The following KLF17 variants were observed in gnomAD, a reference collection of about 807,000 sequenced individuals.
KLF17 encodes the protein Krueppel-like factor 17.
A neutral mutation model predicts 34.2 loss-of-function variants in KLF17; 31 were observed. The observed-to-expected ratio is 0.91, with a 90% CI of 0.68 to 1.22. The LOEUF (loss-of-function observed/expected upper bound fraction) is 1.22. Among genes scored for constraint, KLF17 ranks in the 50% most tolerant of loss-of-function variants. The probability of loss-of-function intolerance (pLI) is 0.00; values close to 1 mark genes in which losing one functional copy is unlikely to be tolerated. For missense variants in KLF17, 478 were observed against 505.2 expected, an observed-to-expected ratio of 0.95 and a Z score of 0.52; for synonymous variants, 179 against 186.7, an observed-to-expected ratio of 0.96 and a Z score of 0.34.
At chr1:44,091,926 A>C in the KLF17 span, among the ~76,000 whole-genome samples, 2 of 145,590 alleles carry the variant, frequency 1.4e-5, no homozygotes, top group East Asian at 2.0e-4. Flanking sequence ...AAAAAAAAAA[A>C]ACCCAAAAAA....
chr1:44,120,615 G>C (rs567877536), intron 1 of KLF17, among the ~76,000 whole-genome samples: 1 of 152,314 alleles, frequency 6.6e-6, no homozygotes, highest in South Asian at 2.1e-4. Flanking sequence ...ATAGAGGCCA[G>C]AGCAAATTTG....
At chr1:44,102,569 C>T in the KLF17 span, among the ~76,000 whole-genome samples, 2 of 35,150 alleles carry the variant, frequency 5.7e-5, no homozygotes, top group African/African-American at 1.7e-4. Context: ...TACACATACA[C>T]ACACACACAC....
the KLF17 span, among the ~76,000 whole-genome samples, chr1:44,046,493 T>G: frequency 6.6e-6 from 1 of 150,930 alleles, no homozygotes; most frequent in African/African-American, 2.4e-5. Flanking sequence ...AGTACTGCAA[T>G]TACAGGCATG....
At chr1:44,050,357 T>C in the KLF17 span, among the ~76,000 whole-genome samples, 1 of 152,210 alleles carries the variant, frequency 6.6e-6, no homozygotes, top group Non-Finnish European at 1.5e-5. Context: ...AAAGACATGC[T>C]GACCAGTGCC....
At chr1:44,108,355 A>C in the KLF17 span, among the ~76,000 whole-genome samples, 1 of 152,116 alleles carries the variant, frequency 6.6e-6, no homozygotes, top group Admixed American at 6.6e-5. Flanking sequence ...ACTTTTGCTG[A>C]CTGTTTCCCC....
chr1:44,132,767 G>A (rs550321212), intron 3 of KLF17, among the ~76,000 whole-genome samples: 3 of 152,190 alleles, frequency 2.0e-5, no homozygotes, highest in Non-Finnish European at 4.4e-5. Flanking sequence ...CAAAGCACCA[G>A]ATATTAAGTG....
the KLF17 span, among the ~76,000 whole-genome samples, chr1:44,111,709 C>T: frequency 3.9e-5 from 6 of 151,940 alleles, no homozygotes; most frequent in African/African-American, 9.7e-5. Flanking sequence ...CTGGCTTACA[C>T]GGTGAAACCC....
intron 3 of KLF17, among the ~76,000 whole-genome samples, chr1:44,131,518 A>T (rs1400452025): frequency 6.6e-6 from 1 of 152,078 alleles, no homozygotes; most frequent in African/African-American, 2.4e-5. Context: ...AAATGAAAAA[A>T]CTAGTTTTGT....
the KLF17 span, among the ~76,000 whole-genome samples, chr1:44,107,964 C>G: frequency 6.6e-6 from 1 of 152,130 alleles, no homozygotes; most frequent in Admixed American, 6.6e-5. Flanking sequence ...TAAGAGAGGA[C>G]TAGTGTATAT....
intron 1 of KLF17, among the ~76,000 whole-genome samples, chr1:44,127,696 CTTTCTTTCTTTCTTTCTTCTCT>C (rs2088039235): frequency 1.4e-4 from 5 of 36,298 alleles, no homozygotes; most frequent in East Asian, 1.2e-3. Context: ...CTTTCTTTTT[CTTTCTTTCTTTCTTTCTTCTCT>C]TTTCTTTCTT....
chr1:44,078,674 G>T, the KLF17 span, among the ~76,000 whole-genome samples: 1 of 152,134 alleles, frequency 6.6e-6, no homozygotes, highest in Non-Finnish European at 1.5e-5. Context: ...CTGACCTCAT[G>T]ATCTGCCCAC....
chr1:44,117,441 T>A (rs989953650), upstream of KLF17: 1 of 33,642 alleles, frequency 3.0e-5, no homozygotes, highest in African/African-American at 8.5e-5. Flanking sequence ...TTTTTATTTA[T>A]TTTATTTTAT....
At chr1:44,112,347 T>C in the KLF17 span, among the ~76,000 whole-genome samples, 1 of 152,168 alleles carries the variant, frequency 6.6e-6, no homozygotes, top group Non-Finnish European at 1.5e-5. Flanking sequence ...AACCTCCAGG[T>C]TCAGGACTGG....
chr1:44,056,363 C>A, the KLF17 span, among the ~76,000 whole-genome samples: 1 of 152,206 alleles, frequency 6.6e-6, no homozygotes, highest in South Asian at 2.1e-4. Context: ...GGAACAAGGA[C>A]TTTTGCCCAA....
At chr1:44,112,000 G>A in the KLF17 span, among the ~76,000 whole-genome samples, 2 of 152,160 alleles carry the variant, frequency 1.3e-5, no homozygotes, top group African/African-American at 2.4e-5. Context: ...CCTTTTCCAG[G>A]ATCCTACCCA....
the KLF17 span, among the ~76,000 whole-genome samples, chr1:44,093,498 G>A: frequency 0.011 from 1,605 of 152,212 alleles, 34 homozygotes; most frequent in African/African-American, 0.037. Context: ...GGGTTCAAGC[G>A]ATTCTCCTGC....
the KLF17 span, among the ~76,000 whole-genome samples, chr1:44,082,524 C>T: frequency 1.3e-5 from 2 of 152,108 alleles, no homozygotes; most frequent in Non-Finnish European, 2.9e-5. Context: ...GCTTCAAAAG[C>T]CTCCCTAGAT....
chr1:44,130,594 A>G lies in KLF17; in HGVS notation c.1008A>G (p.Val336=). 6.2e-7 allele frequency: 1 copy of G among 1,614,114 alleles called. No homozygotes were observed. Among genetic ancestry groups the G allele is most frequent in the South Asian group, 1.1e-5 (1 of 91,076 alleles). The change falls in exon 3 of 4, where the codon GTA becomes GTG. Residue 336 remains valine (V), a synonymous_variant. Coordinates refer to ENST00000372299, the MANE Select transcript of KLF17 (RefSeq NM_173484.4). The part of the protein sequence containing the change: ...RSDELRRHMR[V]HTRYRPYKCD... ...ATGAGCTTAGACGACATATGCGGGT[A>G]CACACCAGATATCGACCATATAAAT...
the KLF17 span, among the ~76,000 whole-genome samples, chr1:44,072,495 TG>T: frequency 6.6e-6 from 1 of 151,892 alleles, no homozygotes; most frequent in Non-Finnish European, 1.5e-5. Flanking sequence ...GAGACCAGCC[TG>T]GGCAACATAG....
Sources: allele counts gnomAD v4.1 joint callset (sites outside exome capture counted in the v4.1 genomes callset), GRCh38; gene constraint gnomAD v4.1.1; transcripts MANE v1.5; gene names NCBI Gene and HGNC (gene_info 2026-07-23, HGNC 2026-07-21).